Variants in ZNF609 observed in about 807,000 individuals in gnomAD.
ZNF609 encodes zinc finger protein 609.
ZNF609 carries 11 observed loss-of-function variants against 109.5 expected under a neutral mutation model. That is an observed-to-expected ratio of 0.10 (90% CI 0.06 to 0.17). The LOEUF (loss-of-function observed/expected upper bound fraction) is 0.17, where lower values mean the gene tolerates loss of function less well. ZNF609 is among the 10% of genes least tolerant of loss of function. The pLI, the probability that ZNF609 is intolerant of heterozygous loss-of-function variation, is 1.00. For synonymous variants in ZNF609, 646 were observed against 662.0 expected (o/e 0.98, Z 0.37); for missense variants, 1,559 against 1,772.4 (o/e 0.88, Z 2.16).
chr15:64,528,974 G>T, intron 2 of ZNF609: 1 of 1,487,990 alleles, frequency 6.7e-7, no homozygotes, highest in East Asian at 2.3e-5. Flanking sequence ...GTGGGGACAT[G>T]GAAGGCCATG....
chr15:64,644,584 C>G (rs562235756), intron 3 of ZNF609, among the ~76,000 whole-genome samples: 61 of 152,292 alleles, frequency 4.0e-4, no homozygotes, highest in Non-Finnish European at 8.2e-4. Context: ...TATACCTTTA[C>G]CAGAGCTTCT....
chr15:64,676,524 A>G (rs1324017539), intron 5 of ZNF609, among the ~76,000 whole-genome samples: 1 of 152,048 alleles, frequency 6.6e-6, no homozygotes, highest in East Asian at 1.9e-4. Context: ...TCCGCCTCCC[A>G]GGTTCAAGCA....
At chr15:64,625,914 AATATATAT>A (rs1330194907) in intron 3 of ZNF609, among the ~76,000 whole-genome samples, 1 of 103,132 alleles carries the variant, frequency 9.7e-6, no homozygotes, top group African/African-American at 4.4e-5. Context: ...AAAAAAAAAA[AATATATAT>A]ATATATATAT....
At chr15:64,536,829 G>C (rs1894154645) in intron 2 of ZNF609, among the ~76,000 whole-genome samples, 1 of 145,144 alleles carries the variant, frequency 6.9e-6, no homozygotes, top group African/African-American at 2.5e-5. Flanking sequence ...AGGACTGCTT[G>C]AGCCTGGAAG....
intron 2 of ZNF609, among the ~76,000 whole-genome samples, chr15:64,574,850 C>CT (rs1227981083): frequency 2.0e-5 from 3 of 152,128 alleles, no homozygotes. Context: ...TATCTTACTG[C>CT]TAGGGATGGG....
At chr15:64,666,704 G>T (rs1260159121) in intron 3 of ZNF609, among the ~76,000 whole-genome samples, 1 of 151,938 alleles carries the variant, frequency 6.6e-6, no homozygotes, top group Non-Finnish European at 1.5e-5. Context: ...TAGAGATGGG[G>T]TTTCACCATC....
chr15:64,506,636 C>T (rs529036405), intron 2 of ZNF609, among the ~76,000 whole-genome samples: 1 of 151,520 alleles, frequency 6.6e-6, no homozygotes, highest in Non-Finnish European at 1.5e-5. Flanking sequence ...AGGAGAATCA[C>T]TTGAACCCGG....
At chr15:64,557,390 A>G (rs613093) in intron 2 of ZNF609, among the ~76,000 whole-genome samples, 152,233 of 152,244 alleles carry the variant, frequency 1, 76,111 homozygotes, top group Middle Eastern at 1. Flanking sequence ...AACTGTGCAG[A>G]TGTAATAAAT....
At chr15:64,605,816 C>T (rs1211979989) in intron 2 of ZNF609, among the ~76,000 whole-genome samples, 1 of 148,542 alleles carries the variant, frequency 6.7e-6, no homozygotes, top group Non-Finnish European at 1.5e-5. Context: ...TCACTGCAAC[C>T]TCCGACTCCC....
chr15:64,648,554 T>G (rs1896368227), intron 3 of ZNF609, among the ~76,000 whole-genome samples: 1 of 152,080 alleles, frequency 6.6e-6, no homozygotes, highest in Non-Finnish European at 1.5e-5. Context: ...AGATCCTAGC[T>G]TTTGCATCTT....
intron 1 of ZNF609, among the ~76,000 whole-genome samples, chr15:64,469,036 T>TAAAAAA (rs34593010): frequency 1.6e-4 from 10 of 60,788 alleles, no homozygotes; most frequent in African/African-American, 2.7e-4. Flanking sequence ...CCTCATATCT[T>TAAAAAA]AAAAAAAAAA....
At position 64,678,416 on chromosome 15, in the gene ZNF609, C is replaced by A. The variant is rs1896837086; in HGVS notation, c.3703C>A (p.Gln1235Lys). ...IPYMHGYSYSQSYDPNHPSYR... is the reference protein window; with the variant it reads ...IPYMHGYSYSKSYDPNHPSYR... Reference sequence around the variant, plus strand: ...CTACATGCACGGCTATTCCTACAGTCAGTCCTACGACCCCAACCACCCCAG... The same window carrying A: ...CTACATGCACGGCTATTCCTACAGTAAGTCCTACGACCCCAACCACCCCAG... Residue 1235 changes from glutamine to lysine, a missense_variant, in exon 6 of 10, where the codon CAG (glutamine) becomes AAG (lysine). Gln to Lys is a moderately conservative substitution (Grantham distance 53). Coordinates refer to ENST00000326648, the MANE Select transcript of ZNF609 (RefSeq NM_015042.2). 1.2e-6 allele frequency: 2 copies of A among 1,612,122 alleles called. No homozygotes were observed. Among genetic ancestry groups the A allele is most frequent in the African/African-American group, 1.3e-5 (1 of 74,928 alleles).
chr15:64,617,088 G>A lies in ZNF609; in HGVS notation c.748-5739G>A, dbSNP rs965460090. Among the ~76,000 whole-genome samples the A allele has an allele frequency of 5.3e-5, 8 of 151,656 alleles. No individual in the cohort carries two copies. The East Asian group carries it at 1.2e-3, about 22-fold the overall frequency. On this transcript the variant is annotated intron_variant, in intron 2 of 9. Coordinates refer to ENST00000326648, the MANE Select transcript of ZNF609 (RefSeq NM_015042.2). The stretch of plus-strand genomic sequence containing the variant: ...CTCCCAAAGTGCTGGGATTACAGGC[G>A]TGAGCCACTGCGTCCGGCCTTAAAC...
At chr15:64,669,101 T>C (rs1332438814) in intron 3 of ZNF609, among the ~76,000 whole-genome samples, 2 of 151,938 alleles carry the variant, frequency 1.3e-5, no homozygotes, top group Admixed American at 6.6e-5. Context: ...CATGGGCTAC[T>C]ATAAATGGGT....
intron 1 of ZNF609, among the ~76,000 whole-genome samples, chr15:64,467,195 C>A (rs1004806011): frequency 6.6e-6 from 1 of 152,192 alleles, no homozygotes; most frequent in African/African-American, 2.4e-5. Context: ...ATTTTTCCTT[C>A]TTTCTTTTGC....
In ZNF609 at chr15:64,623,061, G is replaced by A. The variant is rs1895902217; in HGVS notation, c.973+9G>A. On this transcript the variant is annotated intron_variant, in intron 3 of 9. Transcript: ENST00000326648. Reference sequence around the variant, plus strand: ...GCAGGAAACAGAAGATGGTAAGTGTGATATGTGGCTTTCCCCTCCCTTCTC... The same window carrying A: ...GCAGGAAACAGAAGATGGTAAGTGTAATATGTGGCTTTCCCCTCCCTTCTC... 1.2e-6 allele frequency: 2 copies of A among 1,612,200 alleles called. No individual in the cohort carries two copies. The highest frequency in any genetic ancestry group is 1.7e-6 in the Non-Finnish European group (2 of 1,178,268).
intron 2 of ZNF609, among the ~76,000 whole-genome samples, chr15:64,512,746 C>G (rs937697727): frequency 1.3e-5 from 2 of 151,836 alleles, no homozygotes; most frequent in African/African-American, 4.8e-5. Context: ...ATTTTTAAGT[C>G]TTATGCCTGA....
Position 64,499,546 on chromosome 15 carries a change from G to C in ZNF609, c.127G>C (p.Glu43Gln), listed in dbSNP as rs758477333. ...NLIIDLDADL[E>Q]KDQQKLEMSG... ...CATCATTGACCTGGACGCCGATCTG[G>C]AAAAGGACCAGCAGAAACTGGAAAT... is the stretch of plus-strand genomic sequence containing the variant. The change falls in exon 2 of 10, where the codon GAA (glutamate) becomes CAA (glutamine). Residue 43 changes from glutamate to glutamine, a missense_variant. Glu to Gln is a conservative substitution (Grantham distance 29). Around this residue, in one of 4 missense-constraint regions of ZNF609, gnomAD observed 26 missense variants for 58.4 expected, o/e 0.44. Transcript: ENST00000326648. 6.2e-7 allele frequency: 1 copy of C among 1,614,116 alleles called. No individual in the cohort carries two copies. Among genetic ancestry groups the C allele is most frequent in the Admixed American group, 1.7e-5 (1 of 60,016 alleles).
In ZNF609 at chr15:64,674,145, A is replaced by C; in HGVS notation, c.1291A>C (p.Lys431Gln). 5 of 1,614,192 alleles carry C rather than the reference A, an allele frequency of 3.1e-6. No individual in the cohort carries two copies. The highest frequency in any genetic ancestry group is 4.2e-6 in the Non-Finnish European group (5 of 1,180,022). ...PPASSTSEDV[K>Q]ASPSSANKRK... ...TGCCAGCAGCACTTCTGAGGATGTC[A>C]AGGCCAGCCCTTCCTCAGCTAATAA... is the stretch of plus-strand genomic sequence containing the variant. Residue 431 changes from lysine (K) to glutamine (Q), a missense_variant, in exon 5 of 10, where the codon AAG becomes CAG. Transcript: ENST00000326648.
Sources: gnomAD v4.1 joint callset for allele counts (sites outside exome capture counted in the v4.1 genomes callset) on GRCh38, gnomAD v4.1.1 for gene constraint, gnomAD v4.1.1 regional missense constraint, MANE v1.5 for transcripts, NCBI Gene and HGNC (gene_info 2026-07-23, HGNC 2026-07-21) for gene names.